DDX6: variants seen among roughly 807,000 people sequenced by gnomAD.
DDX6 encodes probable ATP-dependent RNA helicase DDX6.
Under a neutral mutation model 60.6 loss-of-function variants are expected in DDX6, and 7 were observed. That is an observed-to-expected ratio of 0.12 (90% CI 0.07 to 0.22). DDX6 has a LOEUF of 0.22. DDX6 is among the 10% of genes least tolerant of loss of function. The pLI is 1.00. For missense variants in DDX6, 270 were observed against 589.9 expected (o/e 0.46, Z 5.62); for synonymous variants, 207 against 201.0 (o/e 1.03, Z -0.25).
chr11:118,768,080 G>A, intron 5 of DDX6, 143 bp downstream of exon 5: 1 of 774,664 alleles, frequency 1.3e-6, no homozygotes, highest in South Asian at 2.3e-5. Context: ...CCATCATCAG[G>A]CTAAAAAAAG....
rs1555159830 is a variant in DDX6, at chr11:118,760,055, A to G, written c.742-11T>C. 4.4e-6 allele frequency: 7 copies of G among 1,608,138 alleles called. No individual in the cohort carries two copies. The East Asian group carries it at 1.6e-4, about 36-fold the overall frequency. ...CAGCAACTTATCTGCCTGCAGTAGA[A>G]AGAAAAGACAATTTTAAAAACAATA... is the stretch of plus-strand genomic sequence containing the variant. On this transcript the variant is annotated splice_polypyrimidine_tract_variant and intron_variant, in intron 7 of 13. Transcript: ENST00000534980.
intron 7 of DDX6, among the ~76,000 whole-genome samples, chr11:118,762,281 AAAAAAT>A (rs1861199210): frequency 1.3e-5 from 2 of 149,272 alleles, no homozygotes; most frequent in African/African-American, 4.9e-5. Flanking sequence ...CTCAAAAAAA[AAAAAAT>A]AATAATAATA....
chr11:118,756,206 CA>C (rs1565560834), intron 11 of DDX6, 53 bp downstream of exon 11: 1 of 1,504,744 alleles, frequency 6.6e-7, no homozygotes, highest in Non-Finnish European at 9.2e-7. Context: ...ACAGAGAAAG[CA>C]AAAAACAACT....
At chr11:118,753,945 A>G (rs1860874506) in intron 13 of DDX6, among the ~76,000 whole-genome samples, 1 of 151,834 alleles carries the variant, frequency 6.6e-6, no homozygotes, top group Non-Finnish European at 1.5e-5. Context: ...AAAATACAAA[A>G]ATTAGCTGGG....
intron 2 of DDX6, 136 bp from the exon 3 acceptor site, chr11:118,781,320 T>C: frequency 5.1e-6 from 3 of 586,736 alleles, no homozygotes; most frequent in African/African-American, 1.9e-5. Context: ...AACAAGATAA[T>C]TAAACAACTT....
rs188552302 is a variant in DDX6, at chr11:118,751,716, A to G, written c.*389T>C. ...GGATGAGGAATCAGGGAGAAGTTGAAATGCACGAGAGTCAGCTGTTGGAGA... is the reference window on the plus strand; with the variant it reads ...GGATGAGGAATCAGGGAGAAGTTGAGATGCACGAGAGTCAGCTGTTGGAGA... On this transcript the variant is annotated 3_prime_UTR_variant, in exon 14 of 14. Coordinates refer to ENST00000534980, the MANE Select transcript of DDX6 (RefSeq NM_004397.6). 9.6e-4 allele frequency: 269 copies of G among 281,418 alleles called. No individual in the cohort carries two copies. The highest frequency in any genetic ancestry group is 5.9e-3 in the African/African-American group (258 of 44,018). The allele number at this position is 281,418 out of a possible 1,614,324, so 17.4% of individuals were successfully genotyped here.
chr11:118,764,895 T>G (rs536929650), intron 6 of DDX6, among the ~76,000 whole-genome samples: 1 of 152,000 alleles, frequency 6.6e-6, no homozygotes, highest in African/African-American at 2.4e-5. Context: ...GATAGAGATG[T>G]AAGTTTACAC....
Position 118,760,000 on chromosome 11 carries a change from A to G in DDX6, c.786T>C (p.Asp262=), listed in dbSNP as rs941308388. Residue 262 remains aspartate, a synonymous_variant, in exon 8 of 14, where the codon GAT becomes GAC. Transcript: ENST00000534980. ...TGTTTTTAGGTAGCGTGAGAATAAT[A>G]TCCTCCATTATCTGCACAAAATCCT... is the stretch of plus-strand genomic sequence containing the variant. ...LSQDFVQIME[D]IILTLPKNRQ... 1 of 1,613,318 alleles carries G rather than the reference A, an allele frequency of 6.2e-7. No homozygotes were observed. Among genetic ancestry groups the G allele is most frequent in the Non-Finnish European group, 8.5e-7 (1 of 1,179,666 alleles).
At chr11:118,782,921 C>T (rs1278237382) in intron 2 of DDX6, among the ~76,000 whole-genome samples, 1 of 152,158 alleles carries the variant, frequency 6.6e-6, no homozygotes, top group African/African-American at 2.4e-5. Context: ...TGAGCCACCT[C>T]ACCCGGCCTA....
At chr11:118,760,764 T>C (rs1383539296) in intron 7 of DDX6, among the ~76,000 whole-genome samples, 3 of 140,706 alleles carry the variant, frequency 2.1e-5, no homozygotes. Context: ...GACGCTGCAG[T>C]GAGCCAAGAT....
At chr11:118,757,518 A>G (rs543004519) in intron 9 of DDX6, among the ~76,000 whole-genome samples, 1 of 152,294 alleles carries the variant, frequency 6.6e-6, no homozygotes, top group Non-Finnish European at 1.5e-5. Flanking sequence ...CATAACTGTC[A>G]ACAAGAGTAA....
intron 6 of DDX6, among the ~76,000 whole-genome samples, chr11:118,764,348 C>G (rs988321173): frequency 6.6e-6 from 1 of 152,100 alleles, no homozygotes; most frequent in Non-Finnish European, 1.5e-5. Context: ...TCTTTAATGA[C>G]TATGTAGAAT....
intron 1 of DDX6, chr11:118,787,950 G>A (rs1057165270): frequency 3.3e-5 from 5 of 150,964 alleles, no homozygotes; most frequent in African/African-American, 9.8e-5. Flanking sequence ...AAACACACTA[G>A]TAATTTTAAG....
rs561303095 is a variant in DDX6, at chr11:118,771,119, C to G, written c.370-2767G>C. Among the ~76,000 whole-genome samples the G allele has an allele frequency of 7.2e-5, 11 of 152,280 alleles. 1 individual carries two copies. The highest frequency in any genetic ancestry group is 7.2e-4 in the Admixed American group (11 of 15,280). ...TTTTCTCTTTTGTGGTTCTGTGGTG[C>G]CAGTAGTCTGTAGTTTTTAACAGGC... On this transcript the variant is annotated intron_variant, in intron 4 of 13. Coordinates refer to ENST00000534980, the MANE Select transcript of DDX6 (RefSeq NM_004397.6).
chr11:118,773,064 T>C (rs1861587601), intron 4 of DDX6, among the ~76,000 whole-genome samples: 1 of 152,214 alleles, frequency 6.6e-6, no homozygotes, highest in Non-Finnish European at 1.5e-5. Context: ...ATTCCCGTTA[T>C]TTTTCCAATA....
rs7948407 is a variant in DDX6 at position 118,751,551 on chromosome 11, A to G, written c.*554T>C. On this transcript the variant is annotated 3_prime_UTR_variant, in exon 14 of 14. Transcript: ENST00000534980. ...ACCAAAATAAGAAGACATTTTTTAA[A>G]AGAAAAAGAAAAAAAAACGGAAAGA... is the stretch of plus-strand genomic sequence containing the variant. 0.055 allele frequency: 8,474 copies of G among 153,004 alleles called. 760 individuals are homozygous for G. The highest frequency in any genetic ancestry group is 0.19 in the African/African-American group (8,037 of 41,482). The allele number at this position is 153,004 out of a possible 1,614,324, so 9.5% of individuals were successfully genotyped here. A position where few individuals can be genotyped will look rare whatever the true frequency, so the allele number is the denominator to read the frequency against.
At chr11:118,755,650 A>G (rs1860940927) in intron 11 of DDX6, 147 bp from the exon 12 acceptor site, 1 of 572,220 alleles carries the variant, frequency 1.7e-6, no homozygotes, top group Non-Finnish European at 3.1e-6. Context: ...TACCTTTCAT[A>G]ATCACATTAT....
At chr11:118,779,792 T>C in intron 3 of DDX6, 56 bp from the exon 4 acceptor site, 1 of 1,319,316 alleles carries the variant, frequency 7.6e-7, no homozygotes, top group Non-Finnish European at 1.1e-6. Flanking sequence ...GTAAATTTGG[T>C]GTCCTTTGGT....
intron 13 of DDX6, among the ~76,000 whole-genome samples, chr11:118,753,571 C>A (rs1006045184): frequency 2.0e-5 from 3 of 151,548 alleles, no homozygotes; most frequent in Admixed American, 6.6e-5. Flanking sequence ...ATCTCTTGAC[C>A]TCGTGATCCG....
Sources: allele counts gnomAD v4.1 joint callset (sites outside exome capture counted in the v4.1 genomes callset), GRCh38; gene constraint gnomAD v4.1.1; transcripts MANE v1.5; gene names NCBI Gene and HGNC (gene_info 2026-07-23, HGNC 2026-07-21).